Variants in PPP1R13B observed in about 807,000 individuals in gnomAD.
The protein encoded by PPP1R13B is protein phosphatase 1 regulatory subunit 13B.
PPP1R13B carries 44 observed loss-of-function variants against 119.8 expected under a neutral mutation model. The ratio of observed to expected loss-of-function variants is 0.37; its 90% confidence interval spans 0.29 to 0.47. The LOEUF (loss-of-function observed/expected upper bound fraction) is 0.47. Among genes scored for constraint, PPP1R13B ranks in the 20% least tolerant of loss-of-function variants. PPP1R13B has a pLI of 0.99. For missense variants in PPP1R13B, 1,227 were observed against 1,413.5 expected (o/e 0.87, Z 2.12); for synonymous variants, 542 against 561.5 (o/e 0.97, Z 0.49).
intron 2 of PPP1R13B, among the ~76,000 whole-genome samples, chr14:103,796,350 T>C (rs2085757268): frequency 6.6e-6 from 1 of 152,178 alleles, no homozygotes; most frequent in Non-Finnish European, 1.5e-5. Flanking sequence ...GATATAAAAA[T>C]GGCCAATATA....
chr14:103,760,228 C>T (rs2084772298), intron 4 of PPP1R13B, among the ~76,000 whole-genome samples: 1 of 152,184 alleles, frequency 6.6e-6, no homozygotes, highest in African/African-American at 2.4e-5. Flanking sequence ...GAAAACTCTT[C>T]AATGCAAACT....
At chr14:103,746,579 C>T (rs768485753) in intron 8 of PPP1R13B, 26 bp from the exon 9 acceptor site, 2 of 1,533,438 alleles carry the variant, frequency 1.3e-6, no homozygotes, top group Non-Finnish European at 1.8e-6. Context: ...AAATGAGAGT[C>T]AAGATTCTCC....
rs1026312828 is a variant in PPP1R13B at position 103,734,545 on chromosome 14, A to G, written c.*609T>C. The stretch of plus-strand genomic sequence containing the variant: ...TCCAGCCACAGTGCTGGGCCTGCAC[A>G]ATCAGCCTTTAGGTGAACTGGAACA... On this transcript the variant is annotated 3_prime_UTR_variant, in exon 17 of 17. Coordinates refer to ENST00000202556, the MANE Select transcript of PPP1R13B (RefSeq NM_015316.3). 2.2e-6 allele frequency: 1 copy of G among 456,422 alleles called. No individual in the cohort carries two copies. The highest frequency in any genetic ancestry group is 4.4e-6 in the Non-Finnish European group (1 of 226,798). 28.3% of individuals were successfully genotyped at this position (456,422 alleles called of 1,614,324 possible). A position where few individuals can be genotyped will look rare whatever the true frequency, so the allele number is the denominator to read the frequency against.
At chr14:103,829,785 A>C (rs1432794497) in intron 1 of PPP1R13B, among the ~76,000 whole-genome samples, 1 of 151,888 alleles carries the variant, frequency 6.6e-6, no homozygotes, top group South Asian at 2.1e-4. Context: ...TAAATATTTT[A>C]CTATTTTTTT....
intron 1 of PPP1R13B, among the ~76,000 whole-genome samples, chr14:103,809,953 A>G (rs1391294453): frequency 1.3e-5 from 2 of 151,180 alleles, no homozygotes; most frequent in African/African-American, 4.8e-5. Context: ...CAGCCTCCCT[A>G]GTAGCTGGGA....
chr14:103,795,241 A>C (rs2085731719), intron 2 of PPP1R13B, among the ~76,000 whole-genome samples: 1 of 152,156 alleles, frequency 6.6e-6, no homozygotes, highest in Admixed American at 6.6e-5. Context: ...CCCGACCTGT[A>C]TCATGTTTTG....
intron 1 of PPP1R13B, chr14:103,818,496 G>A (rs960648617): frequency 1.0e-6 from 1 of 982,702 alleles, no homozygotes; most frequent in Non-Finnish European, 1.2e-6. Flanking sequence ...TTCACACAGG[G>A]AGAAGAACGA....
At chr14:103,748,697 G>A (rs1018442491) in intron 8 of PPP1R13B, among the ~76,000 whole-genome samples, 11 of 152,182 alleles carry the variant, frequency 7.2e-5, no homozygotes, top group African/African-American at 1.9e-4. Context: ...GAGTGCAGGC[G>A]CCCCTCCTCC....
rs146463889 is a variant in PPP1R13B at position 103,735,214 on chromosome 14, G to A, written c.3232-19C>T. 1.1e-4 allele frequency: 182 copies of A among 1,613,674 alleles called. 2 individuals carry two copies. In the East Asian group the frequency reaches 2.7e-3, roughly 24 times the overall value. On this transcript the variant is annotated intron_variant, in intron 16 of 16. Transcript: ENST00000202556. Reference sequence around the variant, plus strand: ...GATACAGCTGGGAAGCAACGGAGCCGCGTCAGGACAGGAAGCCACACACAG... The same window carrying A: ...GATACAGCTGGGAAGCAACGGAGCCACGTCAGGACAGGAAGCCACACACAG...
At chr14:103,806,373 A>C (rs997695629) in intron 1 of PPP1R13B, among the ~76,000 whole-genome samples, 1 of 152,208 alleles carries the variant, frequency 6.6e-6, no homozygotes, top group Non-Finnish European at 1.5e-5. Flanking sequence ...AGGGATAACA[A>C]AAAATAACTG....
chr14:103,759,692 A>G (rs1283876753), intron 4 of PPP1R13B, among the ~76,000 whole-genome samples: 4 of 149,872 alleles, frequency 2.7e-5, no homozygotes, highest in Non-Finnish European at 4.4e-5. Context: ...AACTTGAAGA[A>G]AAAAAAAAAT....
chr14:103,802,983 T>TA (rs1278111389), intron 1 of PPP1R13B, among the ~76,000 whole-genome samples: 1 of 152,210 alleles, frequency 6.6e-6, no homozygotes, highest in Admixed American at 6.5e-5. Context: ...TGGCAGACTT[T>TA]AAAGCTTTCT....
At chr14:103,810,887 A>C (rs1016327095) in intron 1 of PPP1R13B, among the ~76,000 whole-genome samples, 2 of 151,240 alleles carry the variant, frequency 1.3e-5, no homozygotes, top group African/African-American at 4.9e-5. Context: ...TCAGGAGTTC[A>C]AGACCAGCCT....
At chr14:103,799,243 A>G (rs1434733025) in intron 1 of PPP1R13B, among the ~76,000 whole-genome samples, 1 of 152,040 alleles carries the variant, frequency 6.6e-6, no homozygotes, top group Non-Finnish European at 1.5e-5. Flanking sequence ...CAGTGGCGCA[A>G]TCTCGGCTCT....
intron 6 of PPP1R13B, among the ~76,000 whole-genome samples, chr14:103,753,730 G>C (rs561201886): frequency 6.6e-6 from 1 of 152,118 alleles, no homozygotes. Context: ...TTTCTACTGC[G>C]TCTGAGGGCC....
At chr14:103,781,094 T>C (rs908841490) in intron 3 of PPP1R13B, among the ~76,000 whole-genome samples, 1 of 152,004 alleles carries the variant, frequency 6.6e-6, no homozygotes, top group Non-Finnish European at 1.5e-5. Context: ...TGAGCCACCA[T>C]ACTCAGCCCG....
At chr14:103,833,708 C>A (rs991117189) in intron 1 of PPP1R13B, among the ~76,000 whole-genome samples, 1 of 152,112 alleles carries the variant, frequency 6.6e-6, no homozygotes, top group African/African-American at 2.4e-5. Flanking sequence ...TTCACTCCCT[C>A]TTCCTCAATC....
At chr14:103,787,652 T>A (rs1468152125) in intron 2 of PPP1R13B, among the ~76,000 whole-genome samples, 2 of 51,370 alleles carry the variant, frequency 3.9e-5, no homozygotes, top group African/African-American at 1.7e-4. Flanking sequence ...ATTGCTACAT[T>A]TTTTTTTTTT....
rs2084158595 is a variant in PPP1R13B, at chr14:103,738,091, T to G, written c.2865-231A>C. 6.6e-6 allele frequency among the ~76,000 whole-genome samples: 1 copy of G among 152,246 alleles called. No homozygotes were observed. Among genetic ancestry groups the G allele is most frequent in the Non-Finnish European group, 1.5e-5 (1 of 68,052 alleles). On this transcript the variant is annotated intron_variant, in intron 14 of 16. Coordinates refer to ENST00000202556, the MANE Select transcript of PPP1R13B (RefSeq NM_015316.3). This position sits in a 1 kb window ranked among gnomAD's most constrained non-coding sequence, Gnocchi z 5.6. ...GGTTAAGAAATGGCCAATCCACAGA[T>G]GTTCACGCCACACTGCATGGTGATG... is the stretch of plus-strand genomic sequence containing the variant.
Sources: allele counts gnomAD v4.1 joint callset (sites outside exome capture counted in the v4.1 genomes callset), GRCh38; gene constraint gnomAD v4.1.1; non-coding constraint Gnocchi (gnomAD v3.1); transcripts MANE v1.5; gene names NCBI Gene and HGNC (gene_info 2026-07-23, HGNC 2026-07-21).